Variants in ICMT observed in about 807,000 individuals in gnomAD.
The protein encoded by ICMT is isoprenylcysteine carboxyl methyltransferase, also known as protein-S-isoprenylcysteine O-methyltransferase.
Under a neutral mutation model 32.2 loss-of-function variants are expected in ICMT, and 10 were observed. The observed-to-expected ratio is 0.31, with a 90% CI of 0.19 to 0.53. The LOEUF (loss-of-function observed/expected upper bound fraction) is 0.53. Ranked by LOEUF, ICMT falls within the 20% of genes least tolerant of loss-of-function variation. The pLI, the probability that ICMT is intolerant of heterozygous loss-of-function variation, is 0.96. For missense variants in ICMT, 265 were observed against 356.9 expected (o/e 0.74, Z 2.07); for synonymous variants, 183 against 158.2 (o/e 1.16, Z -1.18).
intron 4 of ICMT, among the ~76,000 whole-genome samples, chr1:6,227,818 T>C (rs1223318810): frequency 6.6e-6 from 1 of 151,602 alleles, no homozygotes; most frequent in Non-Finnish European, 1.5e-5. Context: ...ATTGCGCCAC[T>C]GCACTCCAGC....
chr1:6,227,952 G>A (rs1002533482), intron 4 of ICMT, among the ~76,000 whole-genome samples: 9 of 152,044 alleles, frequency 5.9e-5, no homozygotes, highest in African/African-American at 1.9e-4. Context: ...AGGACTGCTT[G>A]AGCCCAGGAG....
chr1:6,231,817 T>C, intron 4 of ICMT, 85 bp downstream of exon 4: 1 of 852,024 alleles, frequency 1.2e-6, no homozygotes, highest in Admixed American at 2.9e-5. Context: ...TTTGAAATGG[T>C]GACTTTTATG....
intron 2 of ICMT, among the ~76,000 whole-genome samples, chr1:6,234,057 A>T (rs1250623371): frequency 1.3e-5 from 2 of 152,072 alleles, no homozygotes; most frequent in African/African-American, 2.4e-5. Flanking sequence ...CTATGTTGGC[A>T]AGGCTGGTCT....
chr1:6,232,094 ACT>A lies in ICMT; in HGVS notation c.478_479del (p.Ser160CysfsTer32), dbSNP rs1480921756. The A allele has an allele frequency of 6.2e-7, 1 of 1,613,980 alleles. No individual in the cohort carries two copies. Among genetic ancestry groups the A allele is most frequent in the Non-Finnish European group, 8.5e-7 (1 of 1,179,950 alleles). ...AGACCACCATCAGCAGCCCTGTGACACTGAGCCAGGTAATCTGCTTCAGTTCT... is the reference window on the plus strand; with the variant it reads ...AGACCACCATCAGCAGCCCTGTGACAGAGCCAGGTAATCTGCTTCAGTTCT... ...WPELKQITWL[S>X]VTGLLMVVFG... On this transcript the variant is annotated frameshift_variant, in exon 4 of 5. Transcript: ENST00000343813. LOFTEE classifies it high-confidence loss of function.
At chr1:6,234,775 T>C in intron 2 of ICMT, 111 bp downstream of exon 2, 2 of 834,526 alleles carry the variant, frequency 2.4e-6, no homozygotes, top group Non-Finnish European at 4.0e-6. Context: ...CAGAGAACCC[T>C]GAACAGCCTT....
chr1:6,227,866 A>C (rs1375273632), intron 4 of ICMT, among the ~76,000 whole-genome samples: 1 of 152,058 alleles, frequency 6.6e-6, no homozygotes, highest in Non-Finnish European at 1.5e-5. Flanking sequence ...AAAAAGAAAA[A>C]AAAAAGAAAT....
Position 6,225,140 on chromosome 1 carries a change from C to A in ICMT, c.795G>T (p.Glu265Asp). ...LIHFFGEEYL[E>D]YKKRVPTGLP... ...GGCCCGTGGGCACCCTCTTCTTATA[C>A]TCCAGGTACTCCTCTCCAAAAAAGT... The change falls in exon 5 of 5, where the codon GAG becomes GAT. Residue 265 changes from glutamate to aspartate, a missense_variant. By Grantham distance (45) the Glu-to-Asp change is conservative. This residue lies in a region of ICMT where 166 missense variants were observed against 264.3 expected (regional missense o/e 0.63). Coordinates refer to ENST00000343813, the MANE Select transcript of ICMT (RefSeq NM_012405.4). 1 of 1,614,182 alleles carries A rather than the reference C, an allele frequency of 6.2e-7. No individual in the cohort carries two copies. The highest frequency in any genetic ancestry group is 8.5e-7 in the Non-Finnish European group (1 of 1,180,024).
intron 4 of ICMT, among the ~76,000 whole-genome samples, chr1:6,230,330 G>A (rs1466478595): frequency 1.3e-5 from 2 of 152,168 alleles, no homozygotes; most frequent in Non-Finnish European, 2.9e-5. Context: ...GGCTAGGCTT[G>A]TCTCAAACTC....
At chr1:6,226,465 G>A (rs1668646913) in intron 4 of ICMT, among the ~76,000 whole-genome samples, 1 of 152,094 alleles carries the variant, frequency 6.6e-6, no homozygotes, top group South Asian at 2.1e-4. Flanking sequence ...GCATTCCCCA[G>A]CTCCTCAGGG....
At position 6,228,305 on chromosome 1, in the gene ICMT, G is replaced by A. The variant is rs1056787052; in HGVS notation, c.673-3043C>T. On this transcript the variant is annotated intron_variant, in intron 4 of 4. Coordinates refer to ENST00000343813, the MANE Select transcript of ICMT (RefSeq NM_012405.4). ...GATATATTTTTAGTTTTTTCCTCTG[G>A]AGAGAAGGGTTCTCACTATGTTGGC... is the stretch of plus-strand genomic sequence containing the variant. Among the ~76,000 whole-genome samples the A allele has an allele frequency of 7.9e-5, 12 of 151,506 alleles. 1 individual carries two copies. The highest frequency in any genetic ancestry group is 2.4e-4 in the African/African-American group (10 of 41,282).
At chr1:6,234,248 T>C (rs1400367183) in intron 2 of ICMT, among the ~76,000 whole-genome samples, 1 of 152,158 alleles carries the variant, frequency 6.6e-6, no homozygotes, top group African/African-American at 2.4e-5. Flanking sequence ...TTCTGTCCGT[T>C]AAAAATGACA....
At chr1:6,234,480 T>G in intron 2 of ICMT, 1 of 495,794 alleles carries the variant, frequency 2.0e-6, no homozygotes, top group South Asian at 1.5e-5. Context: ...GGAAAAATCC[T>G]ACAGTGGCTG....
Position 6,227,526 on chromosome 1 carries a change from T to C in ICMT, c.673-2264A>G, listed in dbSNP as rs12080025. ...TATTCACATTCTTTGGCCAAGTTTT[T>C]CTAGGACCAAGAGTAAAGAATCAAG... On this transcript the variant is annotated intron_variant, in intron 4 of 4. Coordinates refer to ENST00000343813, the MANE Select transcript of ICMT (RefSeq NM_012405.4). Among the ~76,000 whole-genome samples, 1,413 of 152,308 alleles carry C rather than the reference T, an allele frequency of 9.3e-3. 13 individuals carry two copies. Among genetic ancestry groups the C allele is most frequent in the African/African-American group, 0.031 (1,294 of 41,564 alleles).
intron 4 of ICMT, among the ~76,000 whole-genome samples, 175 bp downstream of exon 4, chr1:6,231,727 C>T (rs752946812): frequency 8.6e-5 from 13 of 152,020 alleles, no homozygotes; most frequent in Non-Finnish European, 1.8e-4. Context: ...TCACTTGAAA[C>T]GCGCCAAGAA....
Position 6,221,957 on chromosome 1 carries a change from T to C in ICMT, c.*3123A>G, listed in dbSNP as rs187079677. The C allele has an allele frequency of 7.0e-4, 106 of 152,362 alleles. No homozygotes were observed. Among genetic ancestry groups the C allele is most frequent in the African/African-American group, 2.5e-3 (106 of 41,584 alleles). The allele number at this position is 152,362 out of a possible 1,614,324, so 9.4% of individuals were successfully genotyped here. A position where few individuals can be genotyped will look rare whatever the true frequency, so the allele number is the denominator to read the frequency against. On this transcript the variant is annotated 3_prime_UTR_variant, in exon 5 of 5. Transcript: ENST00000343813. ...AAAAATAAATCTCTTGACAGTTTTT[T>C]AAATCGAGAAAATTGGTGATGTGGC...
Position 6,231,399 on chromosome 1 carries a change from T to C in ICMT, c.672+503A>G, listed in dbSNP as rs141026769. ...CCCCCTCTGGGGTGCTTCAGATCTA[T>C]TAATAGGTTGAAGGGGCAGAGAAAG... On this transcript the variant is annotated intron_variant, in intron 4 of 4. Coordinates refer to ENST00000343813, the MANE Select transcript of ICMT (RefSeq NM_012405.4). Among the ~76,000 whole-genome samples the C allele has an allele frequency of 2.0e-5, 3 of 151,984 alleles. No individual in the cohort carries two copies. In the East Asian group the frequency reaches 5.8e-4, roughly 29 times the overall value.
chr1:6,235,331 G>C (rs1016078877), intron 1 of ICMT, among the ~76,000 whole-genome samples: 4 of 152,184 alleles, frequency 2.6e-5, no homozygotes, highest in African/African-American at 9.7e-5. Context: ...CAGGGCTGTA[G>C]GAAAACTGCT....
At position 6,235,920 on chromosome 1, in the gene ICMT, G is replaced by A. The variant is rs1668820570; in HGVS notation, c.-9C>T. 4 of 1,074,476 alleles carry A rather than the reference G, an allele frequency of 3.7e-6. No individual in the cohort carries two copies. The highest frequency in any genetic ancestry group is 4.5e-6 in the Non-Finnish European group (4 of 889,000). 66.6% of individuals were successfully genotyped at this position (1,074,476 alleles called of 1,614,324 possible). ...GCCGCGCAGCCCGCCATGGCGCCGGGCGGCGGACTAGCGGGCGGCGGCGCC... is the reference window on the plus strand; with the variant it reads ...GCCGCGCAGCCCGCCATGGCGCCGGACGGCGGACTAGCGGGCGGCGGCGCC... On this transcript the variant is annotated 5_prime_UTR_variant, in exon 1 of 5. Transcript: ENST00000343813.
At chr1:6,232,150 G>C (rs1204669790) in intron 3 of ICMT, 31 bp from the exon 4 acceptor site, 1 of 1,561,648 alleles carries the variant, frequency 6.4e-7, no homozygotes. Context: ...CGACACACGG[G>C]GAGTGAAAAC....
Sources: allele counts gnomAD v4.1 joint callset (sites outside exome capture counted in the v4.1 genomes callset), GRCh38; gene constraint gnomAD v4.1.1; regional missense constraint gnomAD v4.1.1; transcripts MANE v1.5; gene names NCBI Gene and HGNC (gene_info 2026-07-23, HGNC 2026-07-21).